The following GSTCD variants were observed in gnomAD, a reference collection of about 807,000 sequenced individuals.
GSTCD encodes glutathione S-transferase C-terminal domain containing.
Under a neutral mutation model 68.3 loss-of-function variants are expected in GSTCD, and 44 were observed. The ratio of observed to expected loss-of-function variants is 0.64; its 90% CI spans 0.51 to 0.83. GSTCD has a LOEUF of 0.83. Among genes scored for constraint, GSTCD ranks in the 40% least tolerant of loss-of-function variants. GSTCD has a pLI of 0.00. For missense variants in GSTCD, 739 were observed against 735.9 expected, an observed-to-expected ratio of 1.00 and a Z score of -0.05; for synonymous variants, 273 against 255.2, an observed-to-expected ratio of 1.07 and a Z score of -0.67.
At chr4:105,778,138 T>C (rs1735142207) in intron 5 of GSTCD, among the ~76,000 whole-genome samples, 1 of 152,078 alleles carries the variant, frequency 6.6e-6, no homozygotes, top group African/African-American at 2.4e-5. Context: ...GCCAATGACA[T>C]GCAATTTCAG....
At chr4:105,738,883 G>A (rs562857581) in intron 5 of GSTCD, among the ~76,000 whole-genome samples, 8 of 152,332 alleles carry the variant, frequency 5.3e-5, no homozygotes, top group African/African-American at 1.9e-4. Flanking sequence ...AAGGTGAATA[G>A]GAGTGGTGAG....
At chr4:105,800,012 A>G (rs1010535904) in intron 5 of GSTCD, among the ~76,000 whole-genome samples, 2 of 152,148 alleles carry the variant, frequency 1.3e-5, no homozygotes, top group African/African-American at 2.4e-5. Flanking sequence ...CTTCATTGAC[A>G]TGGCTTTCAC....
chr4:105,737,918 A>T (rs990119434), intron 5 of GSTCD, among the ~76,000 whole-genome samples: 1 of 152,186 alleles, frequency 6.6e-6, no homozygotes, highest in Non-Finnish European at 1.5e-5. Flanking sequence ...TGACATCCTC[A>T]TGGTAATGTG....
intron 5 of GSTCD, among the ~76,000 whole-genome samples, chr4:105,807,856 C>T (rs1323780298): frequency 6.6e-6 from 1 of 152,060 alleles, no homozygotes; most frequent in African/African-American, 2.4e-5. Context: ...TTGAAACCAT[C>T]GTGTTCTCCA....
intron 5 of GSTCD, among the ~76,000 whole-genome samples, chr4:105,733,204 T>G (rs1190046328): frequency 6.6e-6 from 1 of 152,122 alleles, no homozygotes; most frequent in Non-Finnish European, 1.5e-5. Context: ...TGTATTTGGT[T>G]TGCTTGGTGT....
At chr4:105,758,432 G>A (rs1306864215) in intron 5 of GSTCD, among the ~76,000 whole-genome samples, 2 of 152,134 alleles carry the variant, frequency 1.3e-5, no homozygotes, top group East Asian at 1.9e-4. Context: ...GAGTTCTCAC[G>A]AGATATGGTG....
In GSTCD at chr4:105,779,444, A is replaced by G. The variant is rs574621769; in HGVS notation, c.1241-43510A>G. 7.0e-4 allele frequency among the ~76,000 whole-genome samples: 107 copies of G among 152,284 alleles called. 1 individual carries two copies. The highest frequency in any genetic ancestry group is 2.5e-3 in the African/African-American group (105 of 41,564). On this transcript the variant is annotated intron_variant, in intron 5 of 11. Coordinates refer to ENST00000515279, the MANE Select transcript of GSTCD (RefSeq NM_001370181.1). ...AAATTTGGAAAGAAACACTTTTATA[A>G]TTTTTTAGAATGTTTGAAAACTTAT...
At chr4:105,808,965 T>C (rs924121581) in intron 5 of GSTCD, among the ~76,000 whole-genome samples, 18 of 152,042 alleles carry the variant, frequency 1.2e-4, no homozygotes, top group Admixed American at 2.6e-4. Flanking sequence ...TACTTAATAA[T>C]GGCTCCAAAG....
intron 5 of GSTCD, among the ~76,000 whole-genome samples, chr4:105,763,422 T>C (rs1011140013): frequency 1.3e-5 from 2 of 152,172 alleles, no homozygotes; most frequent in African/African-American, 2.4e-5. Context: ...CCCAATGATA[T>C]ATGAACTGCT....
At chr4:105,720,971 T>A (rs998097550) in intron 3 of GSTCD, among the ~76,000 whole-genome samples, 6 of 151,466 alleles carry the variant, frequency 4.0e-5, no homozygotes, top group Non-Finnish European at 7.4e-5. Flanking sequence ...TTTTACTGGA[T>A]TTTTTTTTCT....
At chr4:105,715,315 T>A (rs1321178732) in intron 1 of GSTCD, among the ~76,000 whole-genome samples, 1 of 152,170 alleles carries the variant, frequency 6.6e-6, no homozygotes, top group African/African-American at 2.4e-5. Flanking sequence ...AAAAAAACTC[T>A]TTGAACTTTG....
At chr4:105,743,193 G>GC (rs1560806412) in intron 5 of GSTCD, among the ~76,000 whole-genome samples, 2 of 151,840 alleles carry the variant, frequency 1.3e-5, no homozygotes, top group African/African-American at 2.4e-5. Flanking sequence ...CTCATGATCT[G>GC]CCCCCCTTGG....
At chr4:105,723,736 T>A (rs1732944336) in intron 3 of GSTCD, among the ~76,000 whole-genome samples, 1 of 151,616 alleles carries the variant, frequency 6.6e-6, no homozygotes, top group Admixed American at 6.6e-5. Flanking sequence ...ATATAAATAA[T>A]TACAAAATAA....
intron 5 of GSTCD, among the ~76,000 whole-genome samples, chr4:105,732,222 G>T (rs1338224008): frequency 6.6e-6 from 1 of 152,186 alleles, no homozygotes; most frequent in Non-Finnish European, 1.5e-5. Flanking sequence ...AGTTAGGGAG[G>T]ATTCCCTCTT....
chr4:105,711,630 G>A (rs1229638963), intron 1 of GSTCD, among the ~76,000 whole-genome samples: 1 of 152,110 alleles, frequency 6.6e-6, no homozygotes, highest in Non-Finnish European at 1.5e-5. Flanking sequence ...TTTCTGTATG[G>A]CACACTACAT....
chr4:105,727,191 T>C (rs116814059), intron 4 of GSTCD, among the ~76,000 whole-genome samples: 1,545 of 151,816 alleles, frequency 0.01, 32 homozygotes, highest in African/African-American at 0.035. Context: ...AAAGTTTTGG[T>C]CTCAGCCTTT....
chr4:105,727,278 C>T (rs1489355674), intron 4 of GSTCD, among the ~76,000 whole-genome samples: 2 of 151,880 alleles, frequency 1.3e-5, no homozygotes, highest in Non-Finnish European at 2.9e-5. Flanking sequence ...GATCCCAGCA[C>T]TTTGAGAGAC....
chr4:105,734,956 G>C (rs1252857596), intron 5 of GSTCD, among the ~76,000 whole-genome samples: 1 of 152,206 alleles, frequency 6.6e-6, no homozygotes, highest in South Asian at 2.1e-4. Flanking sequence ...TCCAGATCCT[G>C]TTTGCCTGGG....
chr4:105,734,480 A>G (rs1298219), intron 5 of GSTCD, among the ~76,000 whole-genome samples: 147,974 of 152,332 alleles, frequency 0.97, 71,871 homozygotes, highest in East Asian at 1. Flanking sequence ...TTATCGAATC[A>G]GCTACTGAAG....
Sources: allele counts gnomAD v4.1 joint callset (sites outside exome capture counted in the v4.1 genomes callset), GRCh38; gene constraint gnomAD v4.1.1; transcripts MANE v1.5; gene names NCBI Gene and HGNC (gene_info 2026-07-23, HGNC 2026-07-21).